TMEM214: variants seen among roughly 807,000 people sequenced by gnomAD.
The protein encoded by TMEM214 is transmembrane protein 214.
A neutral mutation model predicts 89.8 loss-of-function variants in TMEM214; 71 were observed. That is an observed-to-expected ratio of 0.79 (90% confidence interval 0.65 to 0.96). TMEM214 has a LOEUF of 0.96. TMEM214 is among the 40% of genes least tolerant of loss of function. TMEM214 has a pLI of 0.00. For missense variants in TMEM214, 754 were observed against 843.4 expected (o/e 0.89, Z 1.31); for synonymous variants, 332 against 349.5 (o/e 0.95, Z 0.56).
Position 27,041,457 on chromosome 2 carries a change from T to A in TMEM214, c.*620T>A, listed in dbSNP as rs915517481. 1 of 154,554 alleles carries A rather than the reference T, an allele frequency of 6.5e-6. No individual in the cohort carries two copies. The highest frequency in any genetic ancestry group is 1.5e-5 in the Non-Finnish European group (1 of 68,604). The allele number at this position is 154,554 out of a possible 1,614,324, so 9.6% of individuals were successfully genotyped here. ...CCCCAAATGCCTCTAAGCCCCTCCC[T>A]GTCCCCTCCCTTGTAGTCCTACTTC... On this transcript the variant is annotated 3_prime_UTR_variant, in exon 17 of 17. Coordinates refer to ENST00000238788, the MANE Select transcript of TMEM214 (RefSeq NM_017727.5).
In TMEM214 at chr2:27,040,162, G is replaced by T. The variant is rs771813793; in HGVS notation, c.1755G>T (p.Ala585=). 3 of 1,606,786 alleles carry T rather than the reference G, an allele frequency of 1.9e-6. No homozygotes were observed. Among genetic ancestry groups the T allele is most frequent in the Non-Finnish European group, 2.5e-6 (3 of 1,180,004 alleles). The change falls in exon 15 of 17, where the codon GCG becomes GCT. Residue 585 remains alanine, a synonymous_variant. Transcript: ENST00000238788. ...FLSAHCASHL[A]WFGDSLTSLS... is the part of the protein sequence containing the mutation. ...CTGCCCACTGTGCCTCTCACCTTGCGTGGTTTGGTGACAGTCTCACCAGTC... is the reference window on the plus strand; with the variant it reads ...CTGCCCACTGTGCCTCTCACCTTGCTTGGTTTGGTGACAGTCTCACCAGTC...
rs1347558252 is a variant in TMEM214, at chr2:27,038,837, C to T, written c.1407+22C>T. 2 of 1,595,884 alleles carry T rather than the reference C, an allele frequency of 1.3e-6. No homozygotes were observed. Among genetic ancestry groups the T allele is most frequent in the South Asian group, 1.1e-5 (1 of 90,382 alleles). On this transcript the variant is annotated intron_variant, in intron 12 of 16. Coordinates refer to ENST00000238788, the MANE Select transcript of TMEM214 (RefSeq NM_017727.5). This position sits in a 1 kb window ranked among gnomAD's most constrained non-coding sequence, Gnocchi z 4.4. The stretch of plus-strand genomic sequence containing the variant: ...CAAGGTGCTGGCACCCGGTCCTCTC[C>T]AGCCCACACGCTATCTTACATCTCT...
intron 5 of TMEM214, 90 bp from the exon 6 acceptor site, chr2:27,036,397 C>G: frequency 2.7e-6 from 3 of 1,107,042 alleles, no homozygotes; most frequent in Non-Finnish European, 4.1e-6. Context: ...CCTCCCTCTT[C>G]CAGTTGACAT....
At chr2:27,039,675 T>C in intron 13 of TMEM214, 66 bp from the exon 14 acceptor site, 2 of 1,356,236 alleles carry the variant, frequency 1.5e-6, no homozygotes. Context: ...CTGGGCCCTG[T>C]AGTGTCTGTC....
At position 27,040,499 on chromosome 2, in the gene TMEM214, G is replaced by A. The variant is rs763310668; in HGVS notation, c.1943+3G>A. The A allele has an allele frequency of 1.2e-6, 2 of 1,613,106 alleles. No individual in the cohort carries two copies. Among genetic ancestry groups the A allele is most frequent in the South Asian group, 2.2e-5 (2 of 91,074 alleles). On this transcript the variant is annotated splice_donor_region_variant and intron_variant, in intron 16 of 16. Transcript: ENST00000238788. ...GAGCACTGCCATGAGGCATGCAGGT[G>A]AGACCTTTGCCCAGGGCTCCGGCAG...
rs1485458738 is a variant in TMEM214 at position 27,036,485 on chromosome 2, A to C, written c.721-2A>C. 3 of 1,613,368 alleles carry C rather than the reference A, an allele frequency of 1.9e-6. No individual in the cohort carries two copies. The East Asian group carries it at 6.7e-5, about 36-fold the overall frequency. The stretch of plus-strand genomic sequence containing the variant: ...ATCTGCCTTCCCCACCGGTCTCCTC[A>C]GTTCCTGGAACTGCTGAGGTCCCAC... On this transcript the variant is annotated splice_acceptor_variant, in intron 5 of 16. Coordinates refer to ENST00000238788, the MANE Select transcript of TMEM214 (RefSeq NM_017727.5). LOFTEE classifies it high-confidence loss of function.
At position 27,037,167 on chromosome 2, in the gene TMEM214, C is replaced by G. The variant is rs1211489663; in HGVS notation, c.999C>G (p.Ser333=). ...LLDFAYMPNN[S]LTPSLQEQLC... is the part of the protein sequence containing the mutation. The stretch of plus-strand genomic sequence containing the variant: ...ACTTTGCCTATATGCCGAACAACTC[C>G]CTGACACCCAGGTAGGACTGCTCTG... The change falls in exon 8 of 17, where the codon TCC becomes TCG. Residue 333 remains serine, a synonymous_variant. Coordinates refer to ENST00000238788, the MANE Select transcript of TMEM214 (RefSeq NM_017727.5). 6.2e-7 allele frequency: 1 copy of G among 1,613,734 alleles called. No individual in the cohort carries two copies. Among genetic ancestry groups the G allele is most frequent in the Non-Finnish European group, 8.5e-7 (1 of 1,179,726 alleles).
At chr2:27,036,970 G>A in intron 7 of TMEM214, 107 bp from the exon 8 acceptor site, 1 of 1,146,686 alleles carries the variant, frequency 8.7e-7, no homozygotes, top group Non-Finnish European at 1.3e-6. Context: ...TGGCAGATGG[G>A]GTAGAGTTTA....
Position 27,040,982 on chromosome 2 carries a change from T to A in TMEM214, c.*145T>A, listed in dbSNP as rs1160638091. On this transcript the variant is annotated 3_prime_UTR_variant, in exon 17 of 17. Coordinates refer to ENST00000238788, the MANE Select transcript of TMEM214 (RefSeq NM_017727.5). ...AAGTGGCCAGTTGCCTCCACCTCAG[T>A]TCTTCCATCTTTGGTGGGGACAGGG... 1.0e-6 allele frequency: 1 copy of A among 969,478 alleles called. No individual in the cohort carries two copies. Among genetic ancestry groups the A allele is most frequent in the African/African-American group, 1.6e-5 (1 of 61,208 alleles). The allele number at this position is 969,478 out of a possible 1,614,324, so 60.1% of individuals were successfully genotyped here.
chr2:27,036,482 C>T lies in TMEM214; in HGVS notation c.721-5C>T, dbSNP rs1258097806. On this transcript the variant is annotated splice_polypyrimidine_tract_variant and splice_region_variant and intron_variant, in intron 5 of 16. Coordinates refer to ENST00000238788, the MANE Select transcript of TMEM214 (RefSeq NM_017727.5). ...CCAATCTGCCTTCCCCACCGGTCTCCTCAGTTCCTGGAACTGCTGAGGTCC... is the reference window on the plus strand; with the variant it reads ...CCAATCTGCCTTCCCCACCGGTCTCTTCAGTTCCTGGAACTGCTGAGGTCC... 1 of 1,613,306 alleles carries T rather than the reference C, an allele frequency of 6.2e-7. No individual in the cohort carries two copies. Among genetic ancestry groups the T allele is most frequent in the Middle Eastern group, 1.7e-4 (1 of 6,052 alleles).
intron 7 of TMEM214, 64 bp downstream of exon 7, chr2:27,036,850 T>G (rs1667588910): frequency 2.6e-6 from 4 of 1,525,762 alleles, no homozygotes; most frequent in Non-Finnish European, 9.1e-7. Flanking sequence ...TATAGCAAAA[T>G]GGGAGGCTAT....
chr2:27,035,674 C>T lies in TMEM214; in HGVS notation c.583C>T (p.Leu195Phe). Residue 195 changes from leucine (L) to phenylalanine (F), a missense_variant, in exon 4 of 17, where the codon CTC (leucine) becomes TTC (phenylalanine). Leu to Phe is a conservative substitution (Grantham distance 22). Coordinates refer to ENST00000238788, the MANE Select transcript of TMEM214 (RefSeq NM_017727.5). The part of the protein sequence containing the change: ...LLAKAAGSLE[L>F]FFDHCLFTML... Reference sequence around the variant, plus strand: ...GGCGAAGGCAGCAGGGTCTCTGGAGCTCTTTTTTGACCACTGTCTGTTCAC... The same window carrying T: ...GGCGAAGGCAGCAGGGTCTCTGGAGTTCTTTTTTGACCACTGTCTGTTCAC... 6.2e-7 allele frequency: 1 copy of T among 1,614,178 alleles called. No individual in the cohort carries two copies. Among genetic ancestry groups the T allele is most frequent in the Admixed American group, 1.7e-5 (1 of 60,026 alleles).
At position 27,035,812 on chromosome 2, in the gene TMEM214, C is replaced by G. The variant is rs537072148; in HGVS notation, c.637+84C>G. On this transcript the variant is annotated intron_variant, in intron 4 of 16. Transcript: ENST00000238788. ...CCAGTACCACTCAGTGGTTCTGTTT[C>G]CAGCAGAGAAATGTGCTAACCTTAA... The G allele has an allele frequency of 3.1e-5, 50 of 1,599,252 alleles. No homozygotes were observed. The African/African-American group carries it at 5.8e-4, about 18-fold the overall frequency.
intron 15 of TMEM214, 56 bp from the exon 16 acceptor site, chr2:27,040,289 A>T: frequency 6.2e-7 from 1 of 1,610,178 alleles, no homozygotes; most frequent in South Asian, 1.1e-5. Flanking sequence ...CTGAGTCTTT[A>T]GGGCCAGGAT....
intron 13 of TMEM214, 91 bp from the exon 14 acceptor site, chr2:27,039,650 C>T: frequency 4.4e-6 from 5 of 1,135,894 alleles, no homozygotes; most frequent in Admixed American, 1.7e-5. Context: ...TGCCCAGCGC[C>T]TCGCTGTGCC....
At position 27,041,580 on chromosome 2, in the gene TMEM214, A is replaced by C. The variant is rs897903637; in HGVS notation, c.*743A>C. 1 of 153,906 alleles carries C rather than the reference A, an allele frequency of 6.5e-6. No homozygotes were observed. Among genetic ancestry groups the C allele is most frequent in the African/African-American group, 2.4e-5 (1 of 41,456 alleles). The allele number at this position is 153,906 out of a possible 1,614,324, so 9.5% of individuals were successfully genotyped here. A position where few individuals can be genotyped will look rare whatever the true frequency, so the allele number is the denominator to read the frequency against. ...TCCTATCATCTGTAGAGCAGAGCAC[A>C]GGCAGTTGTGTGCCTTGGGCCCAGG... On this transcript the variant is annotated 3_prime_UTR_variant, in exon 17 of 17. Coordinates refer to ENST00000238788, the MANE Select transcript of TMEM214 (RefSeq NM_017727.5).
chr2:27,039,998 G>A, intron 14 of TMEM214, 32 bp from the exon 15 acceptor site: 1 of 1,597,010 alleles, frequency 6.3e-7, no homozygotes, highest in Non-Finnish European at 8.5e-7. Flanking sequence ...AGGAGACTCA[G>A]AGCCCTCTTC....
In TMEM214 at chr2:27,040,902, G is replaced by A; in HGVS notation, c.*65G>A. On this transcript the variant is annotated 3_prime_UTR_variant, in exon 17 of 17. Transcript: ENST00000238788. ...CATCCAAGACTGCAGCGGGTAGAAG[G>A]TGGCAGTTCTTCATGGGAGTCTTTT... The A allele has an allele frequency of 6.3e-7, 1 of 1,582,158 alleles. No homozygotes were observed. The highest frequency in any genetic ancestry group is 1.1e-5 in the South Asian group (1 of 89,722).
At chr2:27,034,864 G>C (rs1207161243) in intron 2 of TMEM214, among the ~76,000 whole-genome samples, 1 of 152,156 alleles carries the variant, frequency 6.6e-6, no homozygotes, top group Non-Finnish European at 1.5e-5. Flanking sequence ...GATTACAGGC[G>C]TGAGCCACCG....
Sources: gnomAD v4.1 joint callset for allele counts (sites outside exome capture counted in the v4.1 genomes callset) on GRCh38, gnomAD v4.1.1 for gene constraint, Gnocchi (gnomAD v3.1) non-coding constraint, MANE v1.5 for transcripts, NCBI Gene and HGNC (gene_info 2026-07-23, HGNC 2026-07-21) for gene names.